The following ALDH1L2 variants were observed in gnomAD, a reference collection of about 807,000 sequenced individuals.
ALDH1L2 encodes the protein aldehyde dehydrogenase 1 family member L2, also known as mitochondrial 10-formyltetrahydrofolate dehydrogenase.
Under a neutral mutation model 111.0 loss-of-function variants are expected in ALDH1L2, and 91 were observed. The ratio of observed to expected loss-of-function variants is 0.82; its 90% CI spans 0.69 to 0.98. The LOEUF (loss-of-function observed/expected upper bound fraction) is 0.98. ALDH1L2 is among the 50% of genes least tolerant of loss of function. The pLI is 0.00. For missense variants in ALDH1L2, 995 were observed against 1,126.8 expected (o/e 0.88, Z 1.67); for synonymous variants, 374 against 392.6 (o/e 0.95, Z 0.56).
intron 4 of ALDH1L2, 22 bp from the exon 5 acceptor site, chr12:105,066,691 G>C (rs750881351): frequency 6.3e-7 from 1 of 1,595,440 alleles, no homozygotes; most frequent in South Asian, 1.1e-5. Context: ...GACATCACCT[G>C]TGTTACAGCC....
rs1877522187 is a variant in ALDH1L2, at chr12:105,068,830, A to T, written c.483T>A (p.Asp161Glu). 6.2e-7 allele frequency: 1 copy of T among 1,605,080 alleles called. No individual in the cohort carries two copies. The highest frequency in any genetic ancestry group is 8.5e-7 in the Non-Finnish European group (1 of 1,176,314). The change falls in exon 4 of 23, where the codon GAT becomes GAA. Residue 161 changes from aspartate (D) to glutamate (E), a missense_variant. Asp to Glu is a conservative substitution (Grantham distance 45). Coordinates refer to ENST00000258494, the MANE Select transcript of ALDH1L2 (RefSeq NM_001034173.4). Reference sequence around the variant, plus strand: ...GAAGGATGGGTCCTGTATCCAAGCCATCATCAGCCCAGAAAACAGAAAACC... The same window carrying T: ...GAAGGATGGGTCCTGTATCCAAGCCTTCATCAGCCCAGAAAACAGAAAACC... ...KAGFSVFWADDGLDTGPILLQ... is the reference protein window; with the variant it reads ...KAGFSVFWADEGLDTGPILLQ...
chr12:105,031,525 A>C (rs1402279867), intron 20 of ALDH1L2, among the ~76,000 whole-genome samples: 1 of 152,058 alleles, frequency 6.6e-6, no homozygotes, highest in Non-Finnish European at 1.5e-5. Context: ...CTGTTGCCCA[A>C]GTTGGAGTGC....
rs1243484046 is a variant in ALDH1L2, at chr12:105,056,920, CTT to C, written c.1287+1151_1287+1152del. Among the ~76,000 whole-genome samples the C allele has an allele frequency of 2.0e-5, 3 of 151,216 alleles. No homozygotes were observed. In the East Asian group the frequency reaches 5.8e-4, roughly 29 times the overall value. On this transcript the variant is annotated intron_variant, in intron 10 of 22. Transcript: ENST00000258494. ...GGCAAAAGAACATAGATAAATTAGACTTCATCAAAATTAAAACCTGTTGTGTG... is the reference window on the plus strand; with the variant it reads ...GGCAAAAGAACATAGATAAATTAGACCATCAAAATTAAAACCTGTTGTGTG...
At chr12:105,052,679 A>C (rs1876360843) in intron 11 of ALDH1L2, 133 bp downstream of exon 11, 1 of 1,073,770 alleles carries the variant, frequency 9.3e-7, no homozygotes, top group Admixed American at 2.7e-5. Context: ...AAAAGCATGA[A>C]GTACATTTGT....
rs970451938 is a variant in ALDH1L2, at chr12:105,024,056, C to G, written c.*368G>C. On this transcript the variant is annotated 3_prime_UTR_variant, in exon 23 of 23. Coordinates refer to ENST00000258494, the MANE Select transcript of ALDH1L2 (RefSeq NM_001034173.4). ...CTATGTATAGTTCAGAGGTTAAAAA[C>G]CTGTACATATTATACAAAGTTTCCA... is the stretch of plus-strand genomic sequence containing the variant. 1.1e-5 allele frequency: 3 copies of G among 266,614 alleles called. No individual in the cohort carries two copies. Among genetic ancestry groups the G allele is most frequent in the Admixed American group, 4.9e-5 (1 of 20,538 alleles). 16.5% of individuals were successfully genotyped at this position (266,614 alleles called of 1,614,324 possible). A position where few individuals can be genotyped will look rare whatever the true frequency, so the allele number is the denominator to read the frequency against.
In ALDH1L2 at chr12:105,029,687, A is replaced by T. The variant is rs370259663; in HGVS notation, c.2516+637T>A. Among the ~76,000 whole-genome samples the T allele has an allele frequency of 6.3e-4, 96 of 151,414 alleles. 1 individual carries two copies. Among genetic ancestry groups the T allele is most frequent in the African/African-American group, 2.2e-3 (92 of 41,288 alleles). On this transcript the variant is annotated intron_variant, in intron 21 of 22. Coordinates refer to ENST00000258494, the MANE Select transcript of ALDH1L2 (RefSeq NM_001034173.4). ...TAAAGACCGAGAAAGTCTATTCTTT[A>T]TTTTTTTTTCAAGTTCTCATTGGCT...
At chr12:105,055,548 G>T (rs1181625021) in intron 10 of ALDH1L2, among the ~76,000 whole-genome samples, 1 of 152,104 alleles carries the variant, frequency 6.6e-6, no homozygotes, top group Non-Finnish European at 1.5e-5. Context: ...GGAAAGTATG[G>T]CCTATAAACA....
intron 18 of ALDH1L2, among the ~76,000 whole-genome samples, chr12:105,036,225 TA>T: frequency 1.9e-5 from 1 of 51,422 alleles, no homozygotes; most frequent in Non-Finnish European, 2.9e-5. Flanking sequence ...TATGTGTATA[TA>T]ATATATACAC....
intron 18 of ALDH1L2, among the ~76,000 whole-genome samples, chr12:105,037,862 T>G (rs891403166): frequency 2.0e-5 from 3 of 151,960 alleles, no homozygotes; most frequent in Non-Finnish European, 2.9e-5. Flanking sequence ...CCTCCTGGGT[T>G]CAAGAGATTC....
intron 6 of ALDH1L2, 85 bp from the exon 7 acceptor site, chr12:105,063,107 C>T (rs1877103835): frequency 6.5e-6 from 9 of 1,381,854 alleles, no homozygotes; most frequent in South Asian, 3.2e-5. Flanking sequence ...TCTGCAAAAA[C>T]GCTGAAGTTC....
chr12:105,043,767 T>C (rs1183233483), intron 15 of ALDH1L2, among the ~76,000 whole-genome samples: 1 of 152,214 alleles, frequency 6.6e-6, no homozygotes, highest in African/African-American at 2.4e-5. Flanking sequence ...CCTGCAGGAT[T>C]ATAGGTTTGC....
At chr12:105,036,425 T>TATATATAAAATGG in intron 18 of ALDH1L2, among the ~76,000 whole-genome samples, 1 of 63,274 alleles carries the variant, frequency 1.6e-5, no homozygotes, top group Non-Finnish European at 2.8e-5. Context: ...TATATTTATA[T>TATATATAAAATGG]ATGTGTATAT....
intron 1 of ALDH1L2, among the ~76,000 whole-genome samples, chr12:105,081,350 G>A (rs1035329879): frequency 6.6e-6 from 1 of 152,184 alleles, no homozygotes; most frequent in African/African-American, 2.4e-5. Flanking sequence ...TAAGACACCA[G>A]AGCAGAGGTC....
intron 3 of ALDH1L2, among the ~76,000 whole-genome samples, chr12:105,069,638 C>T (rs1877562575): frequency 6.6e-6 from 1 of 152,120 alleles, no homozygotes; most frequent in African/African-American, 2.4e-5. Flanking sequence ...GAAATCAATC[C>T]ATGTCATCAA....
chr12:105,038,687 A>C (rs1270613659), intron 17 of ALDH1L2, among the ~76,000 whole-genome samples: 2 of 152,162 alleles, frequency 1.3e-5, no homozygotes, highest in Non-Finnish European at 2.9e-5. Flanking sequence ...AAAAGAAAGA[A>C]AAAGGAAAAA....
intron 1 of ALDH1L2, among the ~76,000 whole-genome samples, chr12:105,079,293 T>C (rs1046754620): frequency 6.6e-6 from 1 of 152,210 alleles, no homozygotes; most frequent in African/African-American, 2.4e-5. Context: ...TACATAGAGG[T>C]AGATCTGCAA....
chr12:105,045,061 C>T (rs1875759520), intron 15 of ALDH1L2, among the ~76,000 whole-genome samples: 1 of 151,912 alleles, frequency 6.6e-6, no homozygotes, highest in Non-Finnish European at 1.5e-5. Flanking sequence ...AGAACTTATT[C>T]ATCTTACATG....
chr12:105,043,082 C>A (rs528791405), intron 15 of ALDH1L2, among the ~76,000 whole-genome samples: 3 of 152,062 alleles, frequency 2.0e-5, no homozygotes, highest in Non-Finnish European at 2.9e-5. Flanking sequence ...GGCTGGATAA[C>A]GCTGCTCTCA....
At chr12:105,074,495 G>C (rs55657946) in intron 1 of ALDH1L2, among the ~76,000 whole-genome samples, 12,342 of 127,096 alleles carry the variant, frequency 0.097, 734 homozygotes, top group Middle Eastern at 0.2. Flanking sequence ...AAAAGAAAAA[G>C]AAAGAAAGAA....
Sources: allele counts gnomAD v4.1 joint callset (sites outside exome capture counted in the v4.1 genomes callset), GRCh38; gene constraint gnomAD v4.1.1; transcripts MANE v1.5; gene names NCBI Gene and HGNC (gene_info 2026-07-23, HGNC 2026-07-21).